SUMF1: variants seen among roughly 807,000 people sequenced by gnomAD.
SUMF1 encodes sulfatase modifying factor 1.
SUMF1 carries 48 observed loss-of-function variants against 47.6 expected under a neutral mutation model. That is an observed-to-expected ratio of 1.01 (90% confidence interval 0.80 to 1.28). The LOEUF is 1.28. SUMF1 is among the 50% of genes most tolerant of loss of function. The probability of loss-of-function intolerance (pLI) is 0.00; values close to 1 mark genes in which losing one functional copy is unlikely to be tolerated. For missense variants in SUMF1, 571 were observed against 485.4 expected (o/e 1.18, Z -1.66); for synonymous variants, 230 against 192.1 (o/e 1.20, Z -1.63).
At chr3:4,217,281 A>G (rs1464420115) in intron 8 of SUMF1, among the ~76,000 whole-genome samples, 1 of 150,390 alleles carries the variant, frequency 6.6e-6, no homozygotes, top group East Asian at 2.0e-4. Flanking sequence ...ACCAAACACC[A>G]CATGTTCTCA....
At chr3:4,057,485 G>A (rs1695212095) in intron 9 of SUMF1, among the ~76,000 whole-genome samples, 1 of 152,108 alleles carries the variant, frequency 6.6e-6, no homozygotes, top group Middle Eastern at 3.2e-3. Flanking sequence ...ATAAAAGAAA[G>A]AACATAGAGA....
chr3:4,257,385 C>T (rs879892287), intron 8 of SUMF1, among the ~76,000 whole-genome samples: 3,814 of 80,562 alleles, frequency 0.047, no homozygotes, highest in South Asian at 0.077. Context: ...CCAAAATCTC[C>T]TTAAGCTGAT....
intron 8 of SUMF1, among the ~76,000 whole-genome samples, chr3:4,285,548 A>G (rs1439067335): frequency 6.6e-6 from 1 of 152,180 alleles, no homozygotes; most frequent in African/African-American, 2.4e-5. Flanking sequence ...TAATCTCTCT[A>G]CATGAATACA....
At chr3:4,123,248 A>T (rs186504356) in intron 8 of SUMF1, among the ~76,000 whole-genome samples, 1 of 152,310 alleles carries the variant, frequency 6.6e-6, no homozygotes, top group Admixed American at 6.5e-5. Flanking sequence ...AATCTTCAGC[A>T]TGAGGACCGG....
intron 8 of SUMF1, among the ~76,000 whole-genome samples, chr3:4,308,210 G>A (rs1405036249): frequency 6.6e-6 from 1 of 152,144 alleles, no homozygotes; most frequent in African/African-American, 2.4e-5. Context: ...CAGTCCGATG[G>A]CTTCCTAGAC....
chr3:4,080,534 C>T (rs535978527), intron 8 of SUMF1, among the ~76,000 whole-genome samples: 19 of 152,108 alleles, frequency 1.2e-4, no homozygotes, highest in Non-Finnish European at 2.6e-4. Flanking sequence ...ATCTAAAACA[C>T]TGGACAAAAT....
At chr3:4,445,343 T>A (rs1244259251) in intron 3 of SUMF1, among the ~76,000 whole-genome samples, 1 of 152,176 alleles carries the variant, frequency 6.6e-6, no homozygotes, top group East Asian at 1.9e-4. Flanking sequence ...TGTTTTGTTT[T>A]GTTTTCTCCC....
At chr3:4,246,337 T>G (rs756256441) in intron 8 of SUMF1, among the ~76,000 whole-genome samples, 1 of 152,168 alleles carries the variant, frequency 6.6e-6, no homozygotes, top group Non-Finnish European at 1.5e-5. Flanking sequence ...ACCCGTTTTC[T>G]GTGTCAATCT....
chr3:4,108,656 T>A (rs547186226), intron 8 of SUMF1, among the ~76,000 whole-genome samples: 7 of 152,262 alleles, frequency 4.6e-5, no homozygotes, highest in Admixed American at 2.0e-4. Context: ...CTTGTTGAAT[T>A]GATCCCTTTA....
At chr3:4,091,902 C>T (rs543845407) in intron 8 of SUMF1, among the ~76,000 whole-genome samples, 1 of 141,902 alleles carries the variant, frequency 7.0e-6, no homozygotes, top group African/African-American at 2.5e-5. Flanking sequence ...AAAAAAAAAA[C>T]CATCTTCCAG....
chr3:4,433,849 G>A (rs1702311445), intron 3 of SUMF1, among the ~76,000 whole-genome samples: 1 of 152,192 alleles, frequency 6.6e-6, no homozygotes, highest in South Asian at 2.1e-4. Context: ...ATCACTAGAA[G>A]TCAAAGAACA....
intron 8 of SUMF1, among the ~76,000 whole-genome samples, chr3:4,162,932 GA>G (rs1302538004): frequency 4.0e-5 from 6 of 151,526 alleles, no homozygotes; most frequent in Admixed American, 3.9e-4. Flanking sequence ...TGAAAGTAAT[GA>G]AAGAAAAATG....
chr3:4,342,988 A>G (rs1369480311), intron 8 of SUMF1, among the ~76,000 whole-genome samples: 1 of 152,210 alleles, frequency 6.6e-6, no homozygotes, highest in East Asian at 1.9e-4. Context: ...GGCTCAGGGG[A>G]TGTGAATGGG....
intron 7 of SUMF1, among the ~76,000 whole-genome samples, chr3:4,377,392 A>T (rs1211073389): frequency 6.6e-6 from 1 of 152,108 alleles, no homozygotes; most frequent in Non-Finnish European, 1.5e-5. Context: ...GCACTTTACA[A>T]ATATTAACTC....
chr3:4,230,515 T>C (rs1434511778), intron 8 of SUMF1, among the ~76,000 whole-genome samples: 1 of 152,112 alleles, frequency 6.6e-6, no homozygotes, highest in Non-Finnish European at 1.5e-5. Flanking sequence ...AAAAGGCACA[T>C]GGGGCAAGAA....
chr3:4,408,658 T>C (rs1219214221), intron 7 of SUMF1, among the ~76,000 whole-genome samples: 2 of 151,912 alleles, frequency 1.3e-5, no homozygotes, highest in East Asian at 1.9e-4. Flanking sequence ...CAAGACCCCA[T>C]CTCCACAAAA....
At chr3:4,047,390 T>C (rs1374544721) in intron 9 of SUMF1, among the ~76,000 whole-genome samples, 1 of 152,088 alleles carries the variant, frequency 6.6e-6, no homozygotes, top group Non-Finnish European at 1.5e-5. Flanking sequence ...ACCCTTATTT[T>C]CTCCATTTTC....
intron 9 of SUMF1, among the ~76,000 whole-genome samples, chr3:4,043,487 C>T (rs2125018910): frequency 6.6e-6 from 1 of 152,186 alleles, no homozygotes; most frequent in South Asian, 2.1e-4. Flanking sequence ...CTCTCTCAGC[C>T]CTCTCCTCAC....
intron 8 of SUMF1, among the ~76,000 whole-genome samples, chr3:4,216,995 C>T (rs749038381): frequency 5.9e-5 from 9 of 152,076 alleles, no homozygotes; most frequent in Non-Finnish European, 1.0e-4. Context: ...ACCAGTTGAC[C>T]CAGCAATCCC....
Sources: gnomAD v4.1 joint callset for allele counts (sites outside exome capture counted in the v4.1 genomes callset) on GRCh38, gnomAD v4.1.1 for gene constraint, MANE v1.5 for transcripts, NCBI Gene and HGNC (gene_info 2026-07-23, HGNC 2026-07-21) for gene names.